Variants in MITD1 observed in about 807,000 individuals in gnomAD.
MITD1 encodes microtubule interacting and trafficking domain containing 1.
In MITD1, 24 loss-of-function variants were observed where a neutral mutation model predicts 34.9. The observed-to-expected ratio is 0.69, with a 90% CI of 0.50 to 0.97. The LOEUF (loss-of-function observed/expected upper bound fraction) is 0.97. Among genes scored for constraint, MITD1 ranks in the 50% least tolerant of loss-of-function variants. The probability of loss-of-function intolerance (pLI) is 0.00; values close to 1 mark genes in which losing one functional copy is unlikely to be tolerated. For synonymous variants in MITD1, 102 were observed against 101.4 expected (o/e 1.01, Z -0.04); for missense variants, 266 against 294.6 (o/e 0.90, Z 0.71).
intron 7 of MITD1, chr2:99,163,188 A>C (rs2093810722): frequency 3.4e-6 from 2 of 589,520 alleles, no homozygotes; most frequent in Non-Finnish European, 5.4e-6. Flanking sequence ...TCAAAAAAAA[A>C]AAACAAAACA....
At chr2:99,163,372 G>T (rs568649709) in intron 7 of MITD1, among the ~76,000 whole-genome samples, 2 of 152,000 alleles carry the variant, frequency 1.3e-5, no homozygotes, top group Admixed American at 6.6e-5. Flanking sequence ...CTCTCACCCA[G>T]GCTGGAGTGC....
rs1182885144 is a variant in MITD1, at chr2:99,175,993, T to C, written c.152-1977A>G. 2.0e-5 allele frequency among the ~76,000 whole-genome samples: 3 copies of C among 151,858 alleles called. No individual in the cohort carries two copies. The East Asian group carries it at 5.9e-4, about 30-fold the overall frequency. ...TCTGGCTCTGTCGCCCAGGCTGGAG[T>C]GCAGTGACATGATCTCGGCTCACTG... On this transcript the variant is annotated intron_variant, in intron 1 of 6. Coordinates refer to ENST00000289359, the MANE Select transcript of MITD1 (RefSeq NM_138798.3).
At chr2:99,176,255 A>G (rs545040341) in intron 1 of MITD1, among the ~76,000 whole-genome samples, 1 of 149,416 alleles carries the variant, frequency 6.7e-6, no homozygotes, top group South Asian at 2.2e-4. Context: ...CACAGCCACA[A>G]GATGTTTTAA....
At chr2:99,174,886 C>T (rs764066202) in intron 1 of MITD1, among the ~76,000 whole-genome samples, 34 of 151,674 alleles carry the variant, frequency 2.2e-4, no homozygotes, top group Non-Finnish European at 3.8e-4. Context: ...CCACCGTGCC[C>T]GGCCCATTTT....
In MITD1 at chr2:99,169,582, C is replaced by T; in HGVS notation, c.622G>A (p.Gly208Arg). The change falls in exon 6 of 7, where the codon GGA (glycine) becomes AGA (arginine). Residue 208 changes from glycine (G) to arginine (R), a missense_variant. Gly to Arg is a moderately radical substitution (Grantham distance 125). Coordinates refer to ENST00000289359, the MANE Select transcript of MITD1 (RefSeq NM_138798.3). ...TTCTTAAAATAATCAAGTCCCCTTCCAATCTTAATCATCCATCCATTGTTG... is the reference window on the plus strand; with the variant it reads ...TTCTTAAAATAATCAAGTCCCCTTCTAATCTTAATCATCCATCCATTGTTG... ...RFNNGWMIKIGRGLDYFKKPQ... is the reference protein window; with the variant it reads ...RFNNGWMIKIRRGLDYFKKPQ... The T allele has an allele frequency of 3.7e-6, 6 of 1,608,354 alleles. No homozygotes were observed. The highest frequency in any genetic ancestry group is 5.1e-6 in the Non-Finnish European group (6 of 1,174,916).
chr2:99,180,789 C>G (rs926034165), intron 1 of MITD1, 42 bp downstream of exon 1: 14 of 1,551,316 alleles, frequency 9.0e-6, no homozygotes, highest in Admixed American at 5.0e-5. Context: ...CAGGAACCAG[C>G]TCCTTTTCCT....
chr2:99,177,256 G>A (rs1198438933), intron 1 of MITD1, among the ~76,000 whole-genome samples: 2 of 152,066 alleles, frequency 1.3e-5, no homozygotes, highest in African/African-American at 2.4e-5. Context: ...CAATCATTAC[G>A]CTACAGTTTC....
rs2093848713 is a variant in MITD1 at position 99,170,300 on chromosome 2, A to T, written c.593+237T>A. Among the ~76,000 whole-genome samples, 4 of 152,286 alleles carry T rather than the reference A, an allele frequency of 2.6e-5. No individual in the cohort carries two copies. The South Asian group carries it at 6.2e-4, about 24-fold the overall frequency. On this transcript the variant is annotated intron_variant, in intron 5 of 6. Transcript: ENST00000289359. ...TTTTTCTATATGACACAGAACATGT[A>T]AATACTATTCCATTAGGAAATATTA...
Position 99,180,920 on chromosome 2 carries a change from C to T in MITD1, c.62G>A (p.Arg21Gln), listed in dbSNP as rs201079117. Residue 21 changes from arginine (R) to glutamine (Q), a missense_variant, in exon 1 of 7, where the codon CGG (arginine) becomes CAG (glutamine). Coordinates refer to ENST00000289359, the MANE Select transcript of MITD1 (RefSeq NM_138798.3). ...CGACTCCGAATCTAGTTCTACTGCC[C>T]GCTTTAGCACAGTGGCTGCAGCTGT... ...QSTAAATVLK[R>Q]AVELDSESRY... 2 of 1,614,180 alleles carry T rather than the reference C, an allele frequency of 1.2e-6. No homozygotes were observed. Among genetic ancestry groups the T allele is most frequent in the Admixed American group, 1.7e-5 (1 of 60,016 alleles).
rs146264326 is a variant in MITD1 at position 99,180,941 on chromosome 2, G to C, written c.41C>G (p.Ala14Gly). The C allele has an allele frequency of 6.2e-7, 1 of 1,614,060 alleles. No homozygotes were observed. The highest frequency in any genetic ancestry group is 1.7e-4 in the Middle Eastern group (1 of 6,060). ...SGLRQDPQST[A>G]AATVLKRAVE... ...TGCCCGCTTTAGCACAGTGGCTGCAGCTGTGCTCTGCGGGTCCTGCCTCAG... is the reference window on the plus strand; with the variant it reads ...TGCCCGCTTTAGCACAGTGGCTGCACCTGTGCTCTGCGGGTCCTGCCTCAG... Residue 14 changes from alanine (A) to glycine (G), a missense_variant, in exon 1 of 7, where the codon GCT (alanine) becomes GGT (glycine). By Grantham distance (60) the Ala-to-Gly change is moderately conservative (BLOSUM62 0). Transcript: ENST00000289359.
At chr2:99,169,645 C>T in intron 5 of MITD1, 35 bp from the exon 6 acceptor site, 2 of 1,510,868 alleles carry the variant, frequency 1.3e-6, no homozygotes, top group Non-Finnish European at 1.8e-6. Context: ...ATATTCAAGA[C>T]ATTTAAGTCA....
intron 1 of MITD1, among the ~76,000 whole-genome samples, chr2:99,180,125 A>G (rs1211613396): frequency 6.6e-6 from 1 of 152,204 alleles, no homozygotes; most frequent in Non-Finnish European, 1.5e-5. Context: ...GAATAATACG[A>G]AAAGTCTCAC....
At chr2:99,170,846 T>A (rs1012834184) in intron 4 of MITD1, 194 bp from the exon 5 acceptor site, 1 of 373,748 alleles carries the variant, frequency 2.7e-6, no homozygotes, top group African/African-American at 2.0e-5. Flanking sequence ...ATCATCTTTT[T>A]TTCTAATGTG....
At chr2:99,175,202 A>G (rs2093880728) in intron 1 of MITD1, among the ~76,000 whole-genome samples, 1 of 152,230 alleles carries the variant, frequency 6.6e-6, no homozygotes, top group Non-Finnish European at 1.5e-5. Context: ...AAACAATACT[A>G]TGAACTTATC....
intron 7 of MITD1, among the ~76,000 whole-genome samples, chr2:99,163,395 T>C (rs1034273516): frequency 6.6e-6 from 1 of 152,062 alleles, no homozygotes. Flanking sequence ...TGGTGCGATC[T>C]TGGCCCACTG....
At chr2:99,168,782 C>G (rs1404394689), downstream of MITD1, among the ~76,000 whole-genome samples, 1 of 151,624 alleles carries the variant, frequency 6.6e-6, no homozygotes, top group Admixed American at 6.6e-5. Flanking sequence ...GCCCATCTGT[C>G]TCTTTTTTTT....
At chr2:99,177,454 T>G (rs974558141) in intron 1 of MITD1, among the ~76,000 whole-genome samples, 7 of 152,304 alleles carry the variant, frequency 4.6e-5, no homozygotes, top group African/African-American at 1.7e-4. Context: ...TTATACATAT[T>G]AATGGGGTAC....
downstream of MITD1, among the ~76,000 whole-genome samples, chr2:99,164,519 C>A (rs1314308673): frequency 1.4e-5 from 2 of 141,988 alleles, no homozygotes; most frequent in South Asian, 2.4e-4. Flanking sequence ...TTTAATATAT[C>A]TCAGTAGTTC....
At chr2:99,170,736 G>T in intron 4 of MITD1, 84 bp from the exon 5 acceptor site, 1 of 615,160 alleles carries the variant, frequency 1.6e-6, no homozygotes, top group Non-Finnish European at 2.9e-6. Context: ...CTATATCACA[G>T]GTGGATTAAG....
Sources: gnomAD v4.1 joint callset for allele counts (sites outside exome capture counted in the v4.1 genomes callset) on GRCh38, gnomAD v4.1.1 for gene constraint, MANE v1.5 for transcripts, NCBI Gene and HGNC (gene_info 2026-07-23, HGNC 2026-07-21) for gene names.